RFTN2: variants seen among roughly 807,000 people sequenced by gnomAD.
The protein encoded by RFTN2 is raftlin family member 2.
Under a neutral mutation model 52.7 loss-of-function variants are expected in RFTN2, and 34 were observed. The observed-to-expected ratio is 0.64, with a 90% CI of 0.49 to 0.86. RFTN2 has a LOEUF of 0.86. RFTN2 is among the 40% of genes least tolerant of loss of function. The probability of loss-of-function intolerance (pLI) is 0.00; values close to 1 mark genes in which losing one functional copy is unlikely to be tolerated. For synonymous variants in RFTN2, 203 were observed against 217.7 expected (o/e 0.93, Z 0.59); for missense variants, 536 against 600.1 (o/e 0.89, Z 1.12).
intron 7 of RFTN2, among the ~76,000 whole-genome samples, chr2:197,615,099 A>G (rs1330736661): frequency 6.6e-6 from 1 of 152,248 alleles, no homozygotes. Flanking sequence ...GATACTGGAC[A>G]GGGCTAAGTT....
At chr2:197,575,770 T>A (rs1000997316) in intron 8 of RFTN2, among the ~76,000 whole-genome samples, 1 of 143,714 alleles carries the variant, frequency 7.0e-6, no homozygotes, top group Admixed American at 7.2e-5. Flanking sequence ...ATATATATAA[T>A]ATATATTCTA....
At chr2:197,674,359 A>AG (rs1176156177) in intron 1 of RFTN2, among the ~76,000 whole-genome samples, 1 of 149,908 alleles carries the variant, frequency 6.7e-6, no homozygotes, top group Non-Finnish European at 1.5e-5. Context: ...AAAAAAAAAA[A>AG]AAAAGAAAAG....
chr2:197,640,471 A>G (rs1260883300), intron 3 of RFTN2, among the ~76,000 whole-genome samples: 37 of 152,288 alleles, frequency 2.4e-4, no homozygotes, highest in African/African-American at 8.2e-4. Flanking sequence ...GAAAAGCGCA[A>G]TATTCGGGTG....
rs572128798 is a variant in RFTN2 at position 197,599,498 on chromosome 2, G to GT, written c.1155-3430dup. 2.8e-3 allele frequency among the ~76,000 whole-genome samples: 433 copies of GT among 152,258 alleles called. 2 individuals carry two copies. Among genetic ancestry groups the GT allele is most frequent in the Middle Eastern group, 0.017 (5 of 294 alleles). ...ATCTCTACCAGCGGATCCCGAGGCAGTGTGAGAAGGAGAAAGAGGAAGGAG... is the reference window on the plus strand; with the variant it reads ...ATCTCTACCAGCGGATCCCGAGGCAGTTGTGAGAAGGAGAAAGAGGAAGGAG... On this transcript the variant is annotated intron_variant, in intron 7 of 8. Transcript: ENST00000295049.
At position 197,646,648 on chromosome 2, in the gene RFTN2, A is replaced by G. The variant is rs762925402; in HGVS notation, c.158T>C (p.Val53Ala). The G allele has an allele frequency of 3.1e-6, 5 of 1,611,650 alleles. No individual in the cohort carries two copies. In the South Asian group the frequency reaches 5.5e-5, roughly 18 times the overall value. ...FTLQASSNPEVIKINSILDIV... is the reference protein window; with the variant it reads ...FTLQASSNPEAIKINSILDIV... ...ATCCAGAATTGAATTTATCTTGATG[A>G]CTTCTGGGTTTGATGAAGCTGAAAT... The change falls in exon 2 of 9, where the codon GTC (valine) becomes GCC (alanine). Residue 53 changes from valine to alanine, a missense_variant. By Grantham distance (64) the Val-to-Ala change is moderately conservative (BLOSUM62 0). Coordinates refer to ENST00000295049, the MANE Select transcript of RFTN2 (RefSeq NM_144629.3).
At chr2:197,603,587 G>C (rs2087913165) in intron 7 of RFTN2, among the ~76,000 whole-genome samples, 1 of 152,180 alleles carries the variant, frequency 6.6e-6, no homozygotes, top group Admixed American at 6.5e-5. Flanking sequence ...AAAGGGCTGA[G>C]ATTACAGGTG....
chr2:197,637,292 T>C (rs993542267), intron 3 of RFTN2, among the ~76,000 whole-genome samples: 2 of 152,184 alleles, frequency 1.3e-5, no homozygotes, highest in Non-Finnish European at 1.5e-5. Flanking sequence ...TTTCTATTGA[T>C]TGGAATAGTT....
At chr2:197,577,766 C>A (rs140518394) in intron 8 of RFTN2, among the ~76,000 whole-genome samples, 3 of 152,172 alleles carry the variant, frequency 2.0e-5, no homozygotes, top group Non-Finnish European at 1.5e-5. Context: ...GACCACCTCC[C>A]GACTTTTCAG....
At chr2:197,593,779 C>T (rs559902347) in intron 8 of RFTN2, among the ~76,000 whole-genome samples, 122 of 150,226 alleles carry the variant, frequency 8.1e-4, no homozygotes, top group African/African-American at 2.9e-3. Flanking sequence ...CCCAGCTACT[C>T]GGGAGGCTGA....
At chr2:197,587,860 C>A (rs918768644) in intron 8 of RFTN2, 1 of 340,320 alleles carries the variant, frequency 2.9e-6, no homozygotes, top group Admixed American at 4.4e-5. Flanking sequence ...AAGTCTGAAG[C>A]CCAACTAGTT....
At chr2:197,606,578 C>T (rs1196395944) in intron 7 of RFTN2, among the ~76,000 whole-genome samples, 1 of 152,054 alleles carries the variant, frequency 6.6e-6, no homozygotes, top group African/African-American at 2.4e-5. Flanking sequence ...GCAACCTACT[C>T]ATCTGACAAA....
rs573954324 is a variant in RFTN2 at position 197,651,449 on chromosome 2, T to A, written c.140-4783A>T. ...GCCTGGCCAACATGGTGAAACTCTT[T>A]CTCTACTAAAAATACAAAAATTAGC... On this transcript the variant is annotated intron_variant, in intron 1 of 8. Coordinates refer to ENST00000295049, the MANE Select transcript of RFTN2 (RefSeq NM_144629.3). Among the ~76,000 whole-genome samples, 5 of 152,230 alleles carry A rather than the reference T, an allele frequency of 3.3e-5. 1 individual carries two copies. In the South Asian group the frequency reaches 1.0e-3, roughly 32 times the overall value.
chr2:197,604,026 T>C (rs915944999), intron 7 of RFTN2, among the ~76,000 whole-genome samples: 5 of 152,114 alleles, frequency 3.3e-5, no homozygotes, highest in Admixed American at 2.0e-4. Flanking sequence ...AATAAACATA[T>C]GTAAATGTGC....
intron 8 of RFTN2, among the ~76,000 whole-genome samples, chr2:197,595,568 G>A (rs933315708): frequency 2.0e-5 from 3 of 152,194 alleles, no homozygotes; most frequent in Non-Finnish European, 4.4e-5. Flanking sequence ...TGGGGTAAAC[G>A]AATGGAAGAT....
At chr2:197,573,139 G>A (rs930043342) in intron 8 of RFTN2, among the ~76,000 whole-genome samples, 2 of 152,076 alleles carry the variant, frequency 1.3e-5, no homozygotes, top group African/African-American at 4.8e-5. Flanking sequence ...ACCCAAAAAT[G>A]TAGAAGCGAC....
chr2:197,651,446 C>G (rs2088825640), intron 1 of RFTN2, among the ~76,000 whole-genome samples: 1 of 152,096 alleles, frequency 6.6e-6, no homozygotes, highest in Non-Finnish European at 1.5e-5. Flanking sequence ...TGGTGAAACT[C>G]TTTCTCTACT....
chr2:197,653,758 A>C (rs2106259532), intron 1 of RFTN2, among the ~76,000 whole-genome samples: 1 of 152,314 alleles, frequency 6.6e-6, no homozygotes, highest in Admixed American at 6.5e-5. Context: ...GTTCTGAAAA[A>C]GTCCATCCAC....
chr2:197,575,849 T>G (rs144886091), intron 8 of RFTN2, among the ~76,000 whole-genome samples: 2,839 of 114,660 alleles, frequency 0.025, 47 homozygotes, highest in Non-Finnish European at 0.035. Flanking sequence ...ATATATATTT[T>G]ATATACATAA....
intron 8 of RFTN2, among the ~76,000 whole-genome samples, chr2:197,575,414 C>G (rs570598867): frequency 7.2e-5 from 11 of 152,222 alleles, no homozygotes; most frequent in African/African-American, 2.6e-4. Context: ...TGAAGTGGAC[C>G]CTTTCCTTGT....
Sources: gnomAD v4.1 joint callset for allele counts (sites outside exome capture counted in the v4.1 genomes callset) on GRCh38, gnomAD v4.1.1 for gene constraint, MANE v1.5 for transcripts, NCBI Gene and HGNC (gene_info 2026-07-23, HGNC 2026-07-21) for gene names.